The following VRK2 variants were observed in gnomAD, a reference collection of about 807,000 sequenced individuals.
The protein encoded by VRK2 is VRK serine/threonine kinase 2.
Under a neutral mutation model 57.6 loss-of-function variants are expected in VRK2, and 60 were observed. That is an observed-to-expected ratio of 1.04 (90% CI 0.85 to 1.29). VRK2 has a LOEUF of 1.29. Ranked by LOEUF, VRK2 falls within the 50% of genes most tolerant of loss-of-function variation. VRK2 has a pLI of 0.00. For synonymous variants in VRK2, 231 were observed against 199.2 expected (o/e 1.16, Z -1.35); for missense variants, 705 against 588.1 (o/e 1.20, Z -2.06).
At chr2:57,909,708 T>C (rs943185969) in intron 1 of VRK2, among the ~76,000 whole-genome samples, 3 of 152,234 alleles carry the variant, frequency 2.0e-5, no homozygotes, top group Admixed American at 6.5e-5. Context: ...ATTTGCTATT[T>C]AGCAATGCCT....
intron 1 of VRK2, among the ~76,000 whole-genome samples, chr2:58,016,312 G>A (rs1358945684): frequency 6.6e-6 from 1 of 151,880 alleles, no homozygotes; most frequent in Non-Finnish European, 1.5e-5. Flanking sequence ...CTTGCAGAAT[G>A]TCTAATTTGC....
At chr2:57,945,301 T>C (rs1460674127) in intron 1 of VRK2, among the ~76,000 whole-genome samples, 1 of 152,174 alleles carries the variant, frequency 6.6e-6, no homozygotes, top group Non-Finnish European at 1.5e-5. Context: ...TAAATTTCCA[T>C]CATGAAGATT....
intron 12 of VRK2, among the ~76,000 whole-genome samples, chr2:58,150,127 G>T (rs1393169914): frequency 6.6e-6 from 1 of 150,868 alleles, no homozygotes; most frequent in African/African-American, 2.4e-5. Context: ...TGTTTTCAGG[G>T]TCATTATGAA....
chr2:58,053,248 T>A (rs1248751436), intron 2 of VRK2, among the ~76,000 whole-genome samples: 1 of 152,216 alleles, frequency 6.6e-6, no homozygotes, highest in Non-Finnish European at 1.5e-5. Context: ...TGACAGGACA[T>A]CAGTAGCAAT....
chr2:58,109,072 CT>C (rs1345990149), intron 7 of VRK2, among the ~76,000 whole-genome samples: 9 of 152,020 alleles, frequency 5.9e-5, no homozygotes, highest in Admixed American at 4.6e-4. Context: ...TGTATATTTC[CT>C]GTTTATTATG....
At chr2:58,075,811 G>A (rs113461496) in intron 2 of VRK2, among the ~76,000 whole-genome samples, 1,669 of 135,532 alleles carry the variant, frequency 0.012, 25 homozygotes, top group Non-Finnish European at 0.02. Flanking sequence ...TCCCCTGCTG[G>A]AAACAGGAGA....
chr2:58,112,350 A>T (rs1426574354), intron 7 of VRK2, among the ~76,000 whole-genome samples: 3 of 152,184 alleles, frequency 2.0e-5, no homozygotes, highest in Admixed American at 6.5e-5. Context: ...ACCTCAAAAG[A>T]TATTACTTCA....
chr2:57,986,017 A>G (rs1418464562), intron 1 of VRK2, among the ~76,000 whole-genome samples: 2 of 152,122 alleles, frequency 1.3e-5, no homozygotes, highest in African/African-American at 2.4e-5. Context: ...ATTAAAGAAT[A>G]CCTTTAGATG....
chr2:58,043,365 T>C (rs1180016805), upstream of VRK2, among the ~76,000 whole-genome samples: 3 of 152,184 alleles, frequency 2.0e-5, no homozygotes, highest in Non-Finnish European at 4.4e-5. Context: ...TTTAAGTGTA[T>C]AACTAGAGGA....
intron 7 of VRK2, among the ~76,000 whole-genome samples, chr2:58,108,241 C>T (rs1457451414): frequency 7.2e-5 from 11 of 152,106 alleles, no homozygotes. Flanking sequence ...TTTCTCTCAA[C>T]CCTCTTATCC....
chr2:58,142,330 T>TC (rs200693180), intron 11 of VRK2, among the ~76,000 whole-genome samples: 1,811 of 151,920 alleles, frequency 0.012, 38 homozygotes, highest in African/African-American at 0.041. Context: ...AAAAGTTTTT[T>TC]TTTTTTTTCC....
At chr2:58,043,470 G>A (rs72951025), upstream of VRK2, among the ~76,000 whole-genome samples, 7 of 152,014 alleles carry the variant, frequency 4.6e-5, no homozygotes, top group Non-Finnish European at 1.0e-4. Flanking sequence ...CCAGCTCTTC[G>A]ATTTCGAATA....
chr2:58,117,434 T>C (rs1245140517), intron 7 of VRK2, among the ~76,000 whole-genome samples: 1 of 151,812 alleles, frequency 6.6e-6, no homozygotes, highest in Non-Finnish European at 1.5e-5. Flanking sequence ...TGAGGAAGAA[T>C]TGGGACCTAG....
chr2:57,975,758 C>CT (rs1000042113), intron 1 of VRK2, among the ~76,000 whole-genome samples: 2,662 of 145,320 alleles, frequency 0.018, 93 homozygotes, highest in African/African-American at 0.062. Flanking sequence ...TTCTCTCTCT[C>CT]TTTTTTTTTT....
intron 1 of VRK2, among the ~76,000 whole-genome samples, chr2:57,914,389 T>C (rs1479853594): frequency 6.6e-6 from 1 of 152,082 alleles, no homozygotes; most frequent in Non-Finnish European, 1.5e-5. Context: ...TCTGTAGGAC[T>C]AATAATATAA....
chr2:57,947,450 C>T (rs1481754200), intron 1 of VRK2, among the ~76,000 whole-genome samples: 1 of 152,144 alleles, frequency 6.6e-6, no homozygotes, highest in African/African-American at 2.4e-5. Flanking sequence ...CTTAACCTCA[C>T]AAACTTATGG....
intron 1 of VRK2, among the ~76,000 whole-genome samples, chr2:57,948,585 C>T (rs764473460): frequency 2.0e-5 from 3 of 152,014 alleles, no homozygotes; most frequent in African/African-American, 4.8e-5. Context: ...AATATCTTAA[C>T]TTGTGGGTTT....
chr2:57,932,354 T>A (rs1467996248), intron 1 of VRK2, among the ~76,000 whole-genome samples: 1 of 152,148 alleles, frequency 6.6e-6, no homozygotes, highest in African/African-American at 2.4e-5. Context: ...AGATTTTTGA[T>A]TACCTATTCA....
intron 1 of VRK2, among the ~76,000 whole-genome samples, chr2:58,008,661 T>C (rs1673327951): frequency 6.6e-6 from 1 of 151,794 alleles, no homozygotes; most frequent in Non-Finnish European, 1.5e-5. Flanking sequence ...GAATAAAATA[T>C]AAATATAAAA....
Sources: allele counts gnomAD v4.1 joint callset (sites outside exome capture counted in the v4.1 genomes callset), GRCh38; gene constraint gnomAD v4.1.1; transcripts MANE v1.5; gene names NCBI Gene and HGNC (gene_info 2026-07-23, HGNC 2026-07-21).